TMEM51: variants seen among roughly 807,000 people sequenced by gnomAD.
The protein encoded by TMEM51 is chromosome 1 open reading frame 72.
Under a neutral mutation model 13.6 loss-of-function variants are expected in TMEM51, and 8 were observed. The ratio of observed to expected loss-of-function variants is 0.59; its 90% CI spans 0.35 to 1.07. TMEM51 has a LOEUF of 1.07. TMEM51 is among the 50% of genes least tolerant of loss of function. The pLI is 0.02. For missense variants in TMEM51, 279 were observed against 330.7 expected (o/e 0.84, Z 1.21); for synonymous variants, 147 against 144.4 (o/e 1.02, Z -0.13).
At chr1:15,198,266 G>A (rs1644089633) in intron 1 of TMEM51, among the ~76,000 whole-genome samples, 1 of 152,044 alleles carries the variant, frequency 6.6e-6, no homozygotes, top group Non-Finnish European at 1.5e-5. Context: ...ATATCCCATT[G>A]GCCAGAACTT....
At chr1:15,171,422 G>A (rs1643269591) in intron 1 of TMEM51, 1 of 1,013,756 alleles carries the variant, frequency 9.9e-7, no homozygotes, top group Non-Finnish European at 1.3e-6. Context: ...ATCGCCACCT[G>A]GCCCTGGGTA....
In TMEM51 at chr1:15,215,163, G is replaced by A. The variant is rs1173318517; in HGVS notation, c.76G>A (p.Val26Met). 12 of 1,614,084 alleles carry A rather than the reference G, an allele frequency of 7.4e-6. No individual in the cohort carries two copies. The highest frequency in any genetic ancestry group is 1.0e-5 in the Non-Finnish European group (12 of 1,180,054). ...AIGLGMLVLGVIMAMWNLVPG... is the reference protein window; with the variant it reads ...AIGLGMLVLGMIMAMWNLVPG... ...CGGCCTGGGGATGCTGGTCCTTGGG[G>A]TGATCATGGCCATGTGGAACCTGGT... is the stretch of plus-strand genomic sequence containing the variant. Residue 26 changes from valine (V) to methionine (M), a missense_variant, in exon 3 of 4, where the codon GTG becomes ATG. Coordinates refer to ENST00000376008, the MANE Select transcript of TMEM51 (RefSeq NM_001136218.2).
rs570116596 is a variant in TMEM51 at position 15,192,624 on chromosome 1, T to C, written c.-266-17866T>C. 3.7e-3 allele frequency: 641 copies of C among 172,676 alleles called. 3 individuals carry two copies. Among genetic ancestry groups the C allele is most frequent in the African/African-American group, 0.014 (601 of 41,630 alleles). 10.7% of individuals were successfully genotyped at this position (172,676 alleles called of 1,614,324 possible). A position where few individuals can be genotyped will look rare whatever the true frequency, so the allele number is the denominator to read the frequency against. ...GCGCACCAGCACACCCGGCTACTTTTTGTATTTTTAGTAGAGACAGGTTTC... is the reference window on the plus strand; with the variant it reads ...GCGCACCAGCACACCCGGCTACTTTCTGTATTTTTAGTAGAGACAGGTTTC... On this transcript the variant is annotated intron_variant, in intron 1 of 3. Transcript: ENST00000376008.
At chr1:15,210,689 G>A (rs1644325031) in intron 2 of TMEM51, 127 bp downstream of exon 2, 1 of 152,258 alleles carries the variant, frequency 6.6e-6, no homozygotes, top group South Asian at 2.1e-4. Flanking sequence ...TAGAGGTTGA[G>A]TTTGGCCAAG....
At chr1:15,156,466 A>G (rs1204149745) in intron 1 of TMEM51, among the ~76,000 whole-genome samples, 2 of 152,200 alleles carry the variant, frequency 1.3e-5, no homozygotes, top group Non-Finnish European at 2.9e-5. Flanking sequence ...GGAGTCATGC[A>G]AAAGAGAAGC....
chr1:15,202,364 C>A (rs1264757144), intron 1 of TMEM51, among the ~76,000 whole-genome samples: 1 of 152,140 alleles, frequency 6.6e-6, no homozygotes, highest in African/African-American at 2.4e-5. Flanking sequence ...GCAGGAGTTG[C>A]CTGGGTCTGC....
intron 1 of TMEM51, among the ~76,000 whole-genome samples, chr1:15,182,161 C>CAAATAAATAAAT (rs56106721): frequency 7.2e-6 from 1 of 139,474 alleles, no homozygotes; most frequent in Admixed American, 7.8e-5. Context: ...AACTCCATCT[C>CAAATAAATAAAT]AAATAAATAA....
At chr1:15,211,165 T>A (rs1644332690) in intron 2 of TMEM51, among the ~76,000 whole-genome samples, 1 of 152,246 alleles carries the variant, frequency 6.6e-6, no homozygotes, top group Non-Finnish European at 1.5e-5. Flanking sequence ...AATCCGAGTG[T>A]TGTGAAACTT....
chr1:15,176,346 G>C (rs529742357), intron 1 of TMEM51, among the ~76,000 whole-genome samples: 18 of 152,294 alleles, frequency 1.2e-4, no homozygotes, highest in Admixed American at 8.5e-4. Flanking sequence ...GAGAGAAAGC[G>C]GGAATGAAAC....
chr1:15,179,650 C>T (rs773726266), intron 1 of TMEM51, among the ~76,000 whole-genome samples: 16 of 151,982 alleles, frequency 1.1e-4, no homozygotes, highest in Non-Finnish European at 2.2e-4. Context: ...GGCGTGGTGG[C>T]GCATGCCTGT....
At chr1:15,174,467 C>G (rs2100210698) in intron 1 of TMEM51, among the ~76,000 whole-genome samples, 1 of 152,224 alleles carries the variant, frequency 6.6e-6, no homozygotes, top group Admixed American at 6.5e-5. Flanking sequence ...GTCTCAAATT[C>G]CTGGGGTCAG....
In TMEM51 at chr1:15,191,449, G is replaced by A. The variant is rs114332846; in HGVS notation, c.-266-19041G>A. ...GGGGCGGTGGGTAGCCGTTTATCAG[G>A]TTTTCACCCACGTCGAGTCAGCTGA... On this transcript the variant is annotated intron_variant, in intron 1 of 3. Coordinates refer to ENST00000376008, the MANE Select transcript of TMEM51 (RefSeq NM_001136218.2). Among the ~76,000 whole-genome samples the A allele has an allele frequency of 8.3e-3, 1,260 of 152,234 alleles. 20 individuals carry two copies. Among genetic ancestry groups the A allele is most frequent in the African/African-American group, 0.028 (1,152 of 41,514 alleles).
chr1:15,153,005 C>G (rs969584639), upstream of TMEM51, among the ~76,000 whole-genome samples: 4 of 152,230 alleles, frequency 2.6e-5, no homozygotes, highest in African/African-American at 4.8e-5. Flanking sequence ...ATCCATTGCC[C>G]GCGCGCAAGA....
At chr1:15,188,007 G>A (rs1052167180) in intron 1 of TMEM51, among the ~76,000 whole-genome samples, 4 of 152,160 alleles carry the variant, frequency 2.6e-5, no homozygotes, top group Non-Finnish European at 5.9e-5. Flanking sequence ...CTCAGAAAAG[G>A]GGGGGTAGGT....
chr1:15,209,085 G>A (rs1220632535), intron 1 of TMEM51, among the ~76,000 whole-genome samples: 5 of 151,758 alleles, frequency 3.3e-5, no homozygotes, highest in Non-Finnish European at 7.4e-5. Flanking sequence ...TTCTATGTTT[G>A]TTGAGACAGG....
intron 1 of TMEM51, among the ~76,000 whole-genome samples, chr1:15,173,714 G>C (rs1180796739): frequency 6.7e-6 from 1 of 149,436 alleles, no homozygotes; most frequent in Non-Finnish European, 1.5e-5. Flanking sequence ...ATCTGTCAAA[G>C]AAGAGCCTTT....
At chr1:15,173,996 A>G (rs566345517) in intron 1 of TMEM51, among the ~76,000 whole-genome samples, 4 of 152,346 alleles carry the variant, frequency 2.6e-5, no homozygotes, top group Non-Finnish European at 5.9e-5. Context: ...GGGAGTGGTA[A>G]CTTTGAAGTG....
At chr1:15,201,300 T>C (rs995121807) in intron 1 of TMEM51, among the ~76,000 whole-genome samples, 2 of 151,784 alleles carry the variant, frequency 1.3e-5, no homozygotes, top group African/African-American at 4.8e-5. Flanking sequence ...ATATTCGTAA[T>C]AGGTCGTTAA....
At chr1:15,218,119 G>A (rs544928691) in intron 3 of TMEM51, among the ~76,000 whole-genome samples, 38 of 152,280 alleles carry the variant, frequency 2.5e-4, no homozygotes, top group African/African-American at 7.0e-4. Context: ...GGCTATTGGC[G>A]TTAATTCTGA....
Sources: allele counts gnomAD v4.1 joint callset (sites outside exome capture counted in the v4.1 genomes callset), GRCh38; gene constraint gnomAD v4.1.1; transcripts MANE v1.5; gene names NCBI Gene and HGNC (gene_info 2026-07-23, HGNC 2026-07-21).